Variants in SLCO3A1 observed in about 807,000 individuals in gnomAD.
SLCO3A1 encodes the protein solute carrier organic anion transporter family member 3A1.
Under a neutral mutation model 63.1 loss-of-function variants are expected in SLCO3A1, and 27 were observed. That is an observed-to-expected ratio of 0.43 (90% confidence interval 0.32 to 0.59). The LOEUF (loss-of-function observed/expected upper bound fraction) is 0.59, where lower values mean the gene tolerates loss of function less well. Ranked by LOEUF, SLCO3A1 falls within the 20% of genes least tolerant of loss-of-function variation. The pLI is 0.09. For synonymous variants in SLCO3A1, 473 were observed against 409.9 expected (o/e 1.15, Z -1.86); for missense variants, 773 against 945.8 (o/e 0.82, Z 2.40).
intron 2 of SLCO3A1, among the ~76,000 whole-genome samples, chr15:92,089,525 C>G (rs1189714380): frequency 6.6e-6 from 1 of 152,172 alleles, no homozygotes; most frequent in Non-Finnish European, 1.5e-5. Flanking sequence ...TTGTTCACTG[C>G]TATGTCCCAT....
At chr15:91,975,115 A>AG (rs1384013615) in intron 2 of SLCO3A1, among the ~76,000 whole-genome samples, 5 of 152,210 alleles carry the variant, frequency 3.3e-5, no homozygotes. Context: ...CCTAGAATAT[A>AG]GTAAATTCTC....
chr15:92,159,945 A>G (rs1233520928), intron 9 of SLCO3A1, among the ~76,000 whole-genome samples: 2 of 152,112 alleles, frequency 1.3e-5, no homozygotes, highest in Non-Finnish European at 2.9e-5. Context: ...TGCTTAAAAT[A>G]TGACCTGGTT....
In SLCO3A1 at chr15:92,081,254, C is replaced by G. The variant is rs113172933; in HGVS notation, c.647-13627C>G. 1.6e-3 allele frequency among the ~76,000 whole-genome samples: 250 copies of G among 152,256 alleles called. 2 individuals carry two copies. Among genetic ancestry groups the G allele is most frequent in the African/African-American group, 5.5e-3 (230 of 41,558 alleles). On this transcript the variant is annotated intron_variant, in intron 2 of 9. Transcript: ENST00000318445. ...ACCTCCCCTGCCCCCTTCCCAGCCT[C>G]TGGTAACCATCATTCTACTCTTTAC...
At chr15:91,931,534 G>A (rs1351438693) in intron 2 of SLCO3A1, among the ~76,000 whole-genome samples, 5 of 151,140 alleles carry the variant, frequency 3.3e-5, no homozygotes, top group South Asian at 4.2e-4. Flanking sequence ...GCAATGGTGC[G>A]ATCTTGGCTC....
At chr15:92,155,821 T>TGG (rs1224785779) in intron 9 of SLCO3A1, among the ~76,000 whole-genome samples, 1 of 152,200 alleles carries the variant, frequency 6.6e-6, no homozygotes, top group Non-Finnish European at 1.5e-5. Context: ...ACTGAGGCTA[T>TGG]GGAGAAGCCT....
At chr15:92,074,997 A>G (rs1010714015) in intron 2 of SLCO3A1, among the ~76,000 whole-genome samples, 1 of 152,164 alleles carries the variant, frequency 6.6e-6, no homozygotes, top group African/African-American at 2.4e-5. Context: ...GGGACTCTCC[A>G]GTCTGCCTTC....
At chr15:91,884,117 C>T (rs992006783) in intron 1 of SLCO3A1, among the ~76,000 whole-genome samples, 2 of 152,136 alleles carry the variant, frequency 1.3e-5, no homozygotes, top group African/African-American at 2.4e-5. Flanking sequence ...GATAGGTACA[C>T]GTATTATCTT....
intron 2 of SLCO3A1, among the ~76,000 whole-genome samples, chr15:91,959,274 G>T (rs913289276): frequency 5.9e-5 from 9 of 152,056 alleles, no homozygotes; most frequent in Admixed American, 5.9e-4. Context: ...GGACTTGGGG[G>T]TTGGGGAGGT....
chr15:92,070,223 G>A (rs1323540521), intron 2 of SLCO3A1, among the ~76,000 whole-genome samples: 4 of 152,218 alleles, frequency 2.6e-5, no homozygotes, highest in African/African-American at 9.6e-5. Context: ...TGTTTGGAGG[G>A]TAAAGGAGTT....
At chr15:91,956,575 C>G (rs1900185319) in intron 2 of SLCO3A1, among the ~76,000 whole-genome samples, 1 of 152,010 alleles carries the variant, frequency 6.6e-6, no homozygotes, top group Non-Finnish European at 1.5e-5. Context: ...TCTGAGCAAG[C>G]AGAGGGGAAT....
chr15:92,036,975 CATAA>C (rs1470895653), intron 2 of SLCO3A1, among the ~76,000 whole-genome samples: 1 of 152,138 alleles, frequency 6.6e-6, no homozygotes, highest in Non-Finnish European at 1.5e-5. Context: ...TCATTATTTT[CATAA>C]ATAATAAATG....
intron 2 of SLCO3A1, among the ~76,000 whole-genome samples, chr15:92,077,228 A>G (rs1162322435): frequency 6.6e-6 from 1 of 152,002 alleles, no homozygotes; most frequent in Non-Finnish European, 1.5e-5. Context: ...TCAAGATGAG[A>G]TTTGGGTGGG....
intron 3 of SLCO3A1, among the ~76,000 whole-genome samples, chr15:92,096,397 T>G (rs1328658615): frequency 6.6e-6 from 1 of 152,206 alleles, no homozygotes; most frequent in African/African-American, 2.4e-5. Flanking sequence ...GAGAAGGGAT[T>G]ATTACACAAG....
At position 91,883,040 on chromosome 15, in the gene SLCO3A1, T is replaced by C. The variant is rs1338541502; in HGVS notation, c.180+28952T>C. On this transcript the variant is annotated intron_variant, in intron 1 of 9. Coordinates refer to ENST00000318445, the MANE Select transcript of SLCO3A1 (RefSeq NM_013272.4). The surrounding 1 kb of genome is among the most constrained non-coding windows in gnomAD (Gnocchi z 4.8). ...TGCAAGCCAGGCAGGCGCCATCCAC[T>C]GTAAACAGAGAGGAGAATGGTGAGG... 6.6e-6 allele frequency among the ~76,000 whole-genome samples: 1 copy of C among 152,208 alleles called. No individual in the cohort carries two copies. Among genetic ancestry groups the C allele is most frequent in the African/African-American group, 2.4e-5 (1 of 41,452 alleles).
chr15:91,890,080 C>T (rs1348868065), intron 1 of SLCO3A1, among the ~76,000 whole-genome samples: 3 of 152,166 alleles, frequency 2.0e-5, no homozygotes, highest in Non-Finnish European at 4.4e-5. Context: ...TAAATATGTA[C>T]ACATTTAACA....
At chr15:91,971,582 C>T (rs1316723801) in intron 2 of SLCO3A1, among the ~76,000 whole-genome samples, 2 of 151,800 alleles carry the variant, frequency 1.3e-5, no homozygotes, top group East Asian at 3.9e-4. Flanking sequence ...GCACAGGACA[C>T]CTGTGATTTG....
chr15:91,920,071 G>A (rs1025822992), intron 2 of SLCO3A1, among the ~76,000 whole-genome samples: 10 of 152,182 alleles, frequency 6.6e-5, no homozygotes, highest in African/African-American at 2.2e-4. Context: ...GAATATATAC[G>A]ACAATATTTA....
intron 7 of SLCO3A1, among the ~76,000 whole-genome samples, chr15:92,136,418 G>C (rs1337954954): frequency 6.6e-6 from 1 of 152,112 alleles, no homozygotes; most frequent in Non-Finnish European, 1.5e-5. Context: ...TTGTAATACC[G>C]GCTGTCAAAA....
Position 91,897,442 on chromosome 15 carries a change from C to G in SLCO3A1, c.181-18551C>G, listed in dbSNP as rs1382008590. ...CTCCAGCCTGGGCAATGGAGCGAGA[C>G]TCTGTCTAAAAACAAACAAACAAAC... On this transcript the variant is annotated intron_variant, in intron 1 of 9. Transcript: ENST00000318445. The surrounding 1 kb of genome is among the most constrained non-coding windows in gnomAD (Gnocchi z 4.7). 2.6e-5 allele frequency among the ~76,000 whole-genome samples: 4 copies of G among 151,878 alleles called. No homozygotes were observed. Among genetic ancestry groups the G allele is most frequent in the Non-Finnish European group, 5.9e-5 (4 of 68,040 alleles).
Sources: gnomAD v4.1 joint callset for allele counts (sites outside exome capture counted in the v4.1 genomes callset) on GRCh38, gnomAD v4.1.1 for gene constraint, Gnocchi (gnomAD v3.1) non-coding constraint, MANE v1.5 for transcripts, NCBI Gene and HGNC (gene_info 2026-07-23, HGNC 2026-07-21) for gene names.